COL17A1: variants seen among roughly 807,000 people sequenced by gnomAD.
COL17A1 encodes the protein collagen type XVII alpha 1 chain.
COL17A1 carries 181 observed loss-of-function variants against 218.4 expected under a neutral mutation model. The observed-to-expected ratio is 0.83, with a 90% CI of 0.73 to 0.94. COL17A1 has a LOEUF of 0.94. Among genes scored for constraint, COL17A1 ranks in the 40% least tolerant of loss-of-function variants. The probability of loss-of-function intolerance (pLI) is 0.00; values close to 1 mark genes in which losing one functional copy is unlikely to be tolerated. For missense variants in COL17A1, 1,924 were observed against 1,945.9 expected (o/e 0.99, Z 0.21); for synonymous variants, 721 against 731.0 (o/e 0.99, Z 0.22).
Position 104,034,029 on chromosome 10 carries a change from C to T in COL17A1, c.4072G>A (p.Gly1358Ser), listed in dbSNP as rs1227047605. 1.2e-6 allele frequency: 2 copies of T among 1,614,202 alleles called. No individual in the cohort carries two copies. The highest frequency in any genetic ancestry group is 4.5e-5 in the East Asian group (2 of 44,888). The change falls in exon 52 of 56, where the codon GGC (glycine) becomes AGC (serine). Residue 1358 changes from glycine (G) to serine (S), a missense_variant. Transcript: ENST00000648076. ...TCAGCTCCCAATAGTCCGCCATTGC[C>T]AGCATACATGCCGCCTTCTGCTGCT... Reference protein sequence around the residue: ...GAAAEGGMYAGNGGLLGADFA... With the variant: ...GAAAEGGMYASNGGLLGADFA...
intron 24 of COL17A1, 45 bp downstream of exon 24, chr10:104,052,110 T>G (rs1368577835): frequency 6.2e-7 from 1 of 1,613,372 alleles, no homozygotes; most frequent in Non-Finnish European, 8.5e-7. Context: ...TGAATGTGGC[T>G]TCTCCTCTGG....
rs1589561307 is a variant in COL17A1 at position 104,043,661 on chromosome 10, G to A, written c.2435-80C>T. The A allele has an allele frequency of 6.5e-6, 10 of 1,530,580 alleles. No individual in the cohort carries two copies. In the South Asian group the frequency reaches 9.0e-5, roughly 14 times the overall value. The allele number at this position is 1,530,580 out of a possible 1,614,324, so 94.8% of individuals were successfully genotyped here. ...CTGGGACCCAAGCCAGGTTGTGGTG[G>A]GCAGCCTGGCATTTCTTCTTCTCAT... On this transcript the variant is annotated intron_variant, in intron 34 of 55. Transcript: ENST00000648076.
chr10:104,064,654 G>C, intron 9 of COL17A1, 58 bp from the exon 10 acceptor site: 1 of 1,491,712 alleles, frequency 6.7e-7, no homozygotes, highest in Admixed American at 1.8e-5. Context: ...TCCCTGCTGG[G>C]GAATCTAGTC....
At chr10:104,039,350 CTGA>C (rs2086334380) in intron 43 of COL17A1, 92 bp downstream of exon 43, 1 of 1,368,974 alleles carries the variant, frequency 7.3e-7, no homozygotes, top group Admixed American at 1.7e-5. Context: ...AGACTTTACA[CTGA>C]TGAGTACTTG....
chr10:104,072,365 A>G (rs953802119), intron 7 of COL17A1, among the ~76,000 whole-genome samples: 2 of 152,172 alleles, frequency 1.3e-5, no homozygotes, highest in African/African-American at 2.4e-5. Flanking sequence ...GCAATGGTCA[A>G]TCCTTTCCCC....
At position 104,036,491 on chromosome 10, in the gene COL17A1, C is replaced by T. The variant is rs755178480; in HGVS notation, c.3418+1G>A. 1 of 1,613,822 alleles carries T rather than the reference C, an allele frequency of 6.2e-7. No individual in the cohort carries two copies. Among genetic ancestry groups the T allele is most frequent in the Admixed American group, 1.7e-5 (1 of 60,004 alleles). Reference sequence around the variant, plus strand: ...CAACCACCCCTCCTGCAGACACTTACTCGACATGTAGCTGAGAATGCGACT... The same window carrying T: ...CAACCACCCCTCCTGCAGACACTTATTCGACATGTAGCTGAGAATGCGACT... On this transcript the variant is annotated splice_donor_variant, in intron 48 of 55. Transcript: ENST00000648076. LOFTEE classifies it high-confidence loss of function.
intron 11 of COL17A1, among the ~76,000 whole-genome samples, chr10:104,063,062 G>A (rs558447307): frequency 1.6e-4 from 25 of 152,292 alleles, no homozygotes; most frequent in Middle Eastern, 3.4e-3. Context: ...GTCAACTGGA[G>A]GAAGGTGCTG....
In COL17A1 at chr10:104,069,849, C is replaced by A. The variant is rs181229568; in HGVS notation, c.607+577G>T. Among the ~76,000 whole-genome samples the A allele has an allele frequency of 2.6e-5, 4 of 152,188 alleles. No individual in the cohort carries two copies. In the East Asian group the frequency reaches 7.7e-4, roughly 29 times the overall value. Reference sequence around the variant, plus strand: ...AAGGTCCCTATCAAGTGGTCCTAACCACTGAAACGTGACAACGAACAGCTA... The same window carrying A: ...AAGGTCCCTATCAAGTGGTCCTAACAACTGAAACGTGACAACGAACAGCTA... On this transcript the variant is annotated intron_variant, in intron 9 of 55. Coordinates refer to ENST00000648076, the MANE Select transcript of COL17A1 (RefSeq NM_000494.4).
rs546976298 is a variant in COL17A1 at position 104,042,454 on chromosome 10, G to T, written c.2517C>A (p.Gly839=). Residue 839 remains glycine, a splice_region_variant and synonymous_variant, in exon 36 of 56, where the codon GGC becomes GGA. Coordinates refer to ENST00000648076, the MANE Select transcript of COL17A1 (RefSeq NM_000494.4). ...MGPPGPPGAP[G]PAGPAGLPGH... ...CTGGGAGACCAGCTGGGCCGGCAGG[G>T]CCTGGAAACGGGGTTGAGGAAGAAA... The T allele has an allele frequency of 2.4e-5, 38 of 1,614,092 alleles. No homozygotes were observed. In the East Asian group the frequency reaches 4.9e-4, roughly 21 times the overall value.
Position 104,075,637 on chromosome 10 carries a change from G to A in COL17A1, c.331+664C>T, listed in dbSNP as rs138219247. Among the ~76,000 whole-genome samples the A allele has an allele frequency of 6.3e-3, 957 of 152,292 alleles. 11 individuals carry two copies. The highest frequency in any genetic ancestry group is 0.022 in the African/African-American group (933 of 41,556). On this transcript the variant is annotated intron_variant, in intron 5 of 55. Transcript: ENST00000648076. ...CCAGTCCTGGACCTAAAATATGATT[G>A]TTTTGCTAAAAACTCTCTGTGGCTT...
At position 104,066,521 on chromosome 10, in the gene COL17A1, G is replaced by A. The variant is rs139154147; in HGVS notation, c.608-1925C>T. Among the ~76,000 whole-genome samples the A allele has an allele frequency of 3.7e-3, 558 of 152,250 alleles. 3 individuals carry two copies. The highest frequency in any genetic ancestry group is 0.014 in the Middle Eastern group (4 of 294). ...AAACCCCATCCTCACAAGAGGAGACGGGTTATGCTCTTTGTTAAATTAGTG... is the reference window on the plus strand; with the variant it reads ...AAACCCCATCCTCACAAGAGGAGACAGGTTATGCTCTTTGTTAAATTAGTG... On this transcript the variant is annotated intron_variant, in intron 9 of 55. Coordinates refer to ENST00000648076, the MANE Select transcript of COL17A1 (RefSeq NM_000494.4).
chr10:104,059,457 G>T (rs533482045), intron 15 of COL17A1, 181 bp downstream of exon 15: 5 of 651,216 alleles, frequency 7.7e-6, no homozygotes, highest in African/African-American at 7.2e-5. Context: ...TTGTTGAACT[G>T]CAGCTTCTGA....
chr10:104,052,689 TCCACC>T (rs1260464070), intron 23 of COL17A1, among the ~76,000 whole-genome samples: 1 of 152,072 alleles, frequency 6.6e-6, no homozygotes, highest in Non-Finnish European at 1.5e-5. Context: ...TGTGCCCCAC[TCCACC>T]TTACAATTGA....
chr10:104,056,426 C>CA lies in COL17A1; in HGVS notation c.1466-424dup, dbSNP rs540779639. Reference sequence around the variant, plus strand: ...TGAAACCCCATCTCTACTAAAAATACAAAAAATTAGCCAGGTGTGGTGACA... The same window carrying CA: ...TGAAACCCCATCTCTACTAAAAATACAAAAAAATTAGCCAGGTGTGGTGACA... On this transcript the variant is annotated intron_variant, in intron 17 of 55. Transcript: ENST00000648076. 2.5e-3 allele frequency among the ~76,000 whole-genome samples: 381 copies of CA among 151,984 alleles called. 1 individual carries two copies. The highest frequency in any genetic ancestry group is 0.01 in the Middle Eastern group (3 of 294).
chr10:104,040,228 G>T, intron 40 of COL17A1, 123 bp downstream of exon 40: 1 of 924,306 alleles, frequency 1.1e-6, no homozygotes, highest in Non-Finnish European at 1.8e-6. Flanking sequence ...GTTCCTAATG[G>T]GATAAGGCAG....
Position 104,031,428 on chromosome 10 carries a change from T to C in COL17A1, c.*807A>G, listed in dbSNP as rs1844680881. 1 of 152,656 alleles carries C rather than the reference T, an allele frequency of 6.6e-6. No individual in the cohort carries two copies. The highest frequency in any genetic ancestry group is 6.5e-5 in the Admixed American group (1 of 15,286). 9.5% of individuals were successfully genotyped at this position (152,656 alleles called of 1,614,324 possible). A position where few individuals can be genotyped will look rare whatever the true frequency, so the allele number is the denominator to read the frequency against. On this transcript the variant is annotated 3_prime_UTR_variant, in exon 56 of 56. Coordinates refer to ENST00000648076, the MANE Select transcript of COL17A1 (RefSeq NM_000494.4). Reference sequence around the variant, plus strand: ...AGTCCCCCAAGTGCCATTTTCTGAGTGCAGAATGGAGGGTGACGTCTTGAG... The same window carrying C: ...AGTCCCCCAAGTGCCATTTTCTGAGCGCAGAATGGAGGGTGACGTCTTGAG...
At position 104,056,010 on chromosome 10, in the gene COL17A1, C is replaced by T; in HGVS notation, c.1466-7G>A. 3 of 1,614,208 alleles carry T rather than the reference C, an allele frequency of 1.9e-6. No homozygotes were observed. In the African/African-American group the frequency reaches 4.0e-5, roughly 22 times the overall value. On this transcript the variant is annotated splice_region_variant and splice_polypyrimidine_tract_variant and intron_variant, in intron 17 of 55. Coordinates refer to ENST00000648076, the MANE Select transcript of COL17A1 (RefSeq NM_000494.4). ...AGCTTCCTCACCTCCTCCGCTGCAA[C>T]AAACAGACACACACTGCGTCACTGA... is the stretch of plus-strand genomic sequence containing the variant.
chr10:104,032,561 G>T, intron 55 of COL17A1, 113 bp downstream of exon 55: 1 of 1,121,194 alleles, frequency 8.9e-7, no homozygotes. Flanking sequence ...TGGAGTAATT[G>T]GCATTTGCCT....
intron 19 of COL17A1, 140 bp from the exon 20 acceptor site, chr10:104,055,147 C>T: frequency 6.7e-7 from 1 of 1,500,758 alleles, no homozygotes. Flanking sequence ...CTCCCAGTCC[C>T]AGAGTCTATG....
Sources: gnomAD v4.1 joint callset for allele counts (sites outside exome capture counted in the v4.1 genomes callset) on GRCh38, gnomAD v4.1.1 for gene constraint, MANE v1.5 for transcripts, NCBI Gene and HGNC (gene_info 2026-07-23, HGNC 2026-07-21) for gene names.